SFI1: variants seen among roughly 807,000 people sequenced by gnomAD.
SFI1 encodes SFI1 centrin binding protein.
In SFI1, 195 loss-of-function variants were observed where a neutral mutation model predicts 207.5. The ratio of observed to expected loss-of-function variants is 0.94; its 90% CI spans 0.84 to 1.06. The LOEUF is 1.06. Among genes scored for constraint, SFI1 ranks in the 50% least tolerant of loss-of-function variants. The pLI is 0.00. For missense variants in SFI1, 1,634 were observed against 1,588.0 expected (o/e 1.03, Z -0.49); for synonymous variants, 630 against 598.9 (o/e 1.05, Z -0.76).
intron 2 of SFI1, among the ~76,000 whole-genome samples, chr22:31,520,012 C>T (rs576931697): frequency 2.0e-5 from 3 of 151,816 alleles, no homozygotes; most frequent in Middle Eastern, 3.4e-3. Context: ...GTGATCCACC[C>T]GCCTCAGCCT....
intron 2 of SFI1, among the ~76,000 whole-genome samples, chr22:31,525,369 C>A (rs1020169800): frequency 2.0e-5 from 3 of 152,088 alleles, no homozygotes; most frequent in Non-Finnish European, 4.4e-5. Flanking sequence ...TGTAGATACT[C>A]ACTTTTCCCA....
intron 29 of SFI1, chr22:31,616,342 G>A (rs2071439631): frequency 5.8e-6 from 1 of 171,528 alleles, no homozygotes; most frequent in Admixed American, 6.2e-5. Context: ...CACCAGGAGA[G>A]GAGGGCATGG....
intron 18 of SFI1, 106 bp from the exon 19 acceptor site, chr22:31,604,203 G>A (rs1379104804): frequency 5.9e-6 from 5 of 848,618 alleles, no homozygotes; most frequent in Non-Finnish European, 5.7e-6. Flanking sequence ...AGGCCAGAGA[G>A]GTTAATTTAC....
Position 31,589,578 on chromosome 22 carries a change from G to A in SFI1, c.1544+1G>A, listed in dbSNP as rs1454183533. The A allele has an allele frequency of 6.2e-7, 1 of 1,611,396 alleles. No individual in the cohort carries two copies. Among genetic ancestry groups the A allele is most frequent in the South Asian group, 1.1e-5 (1 of 90,552 alleles). On this transcript the variant is annotated splice_donor_variant, in intron 15 of 32. Coordinates refer to ENST00000400288, the MANE Select transcript of SFI1 (RefSeq NM_001007467.3). LOFTEE classifies it high-confidence loss of function. ...GTGCAAGAGCAACACGTTTCCACAG[G>A]TATGTTGCGCAGCTCCTGTCTGCAC...
chr22:31,583,880 G>A lies in SFI1; in HGVS notation c.1254G>A (p.Leu418=), dbSNP rs1250252019. Residue 418 remains leucine (L), a synonymous_variant, in exon 13 of 33, where the codon CTG becomes CTA. Transcript: ENST00000400288. The part of the protein sequence containing the change: ...LAHQQHGVTL[L]HRFWNLWRSQ... ...TTCTTCCTCCCTTGCTTTAGCTGCT[G>A]CACAGGTTCTGGAACCTCTGGCGGT... is the stretch of plus-strand genomic sequence containing the variant. 2.5e-6 allele frequency: 4 copies of A among 1,613,826 alleles called. No homozygotes were observed. Among genetic ancestry groups the A allele is most frequent in the Non-Finnish European group, 3.4e-6 (4 of 1,179,882 alleles).
intron 2 of SFI1, among the ~76,000 whole-genome samples, chr22:31,513,545 C>T (rs1431786273): frequency 1.9e-5 from 2 of 104,134 alleles, no homozygotes; most frequent in African/African-American, 8.3e-5. Flanking sequence ...CTGGCAATCC[C>T]AGCACTTTGG....
intron 4 of SFI1, among the ~76,000 whole-genome samples, chr22:31,531,360 A>T (rs984478570): frequency 1.3e-5 from 2 of 152,174 alleles, no homozygotes; most frequent in African/African-American, 4.8e-5. Flanking sequence ...CAAAGTAGCC[A>T]GTAAAGGTTA....
intron 1 of SFI1, among the ~76,000 whole-genome samples, 170 bp from the exon 2 acceptor site, chr22:31,508,084 TA>T (rs896638495): frequency 6.0e-4 from 89 of 148,062 alleles, no homozygotes; most frequent in African/African-American, 1.8e-3. Flanking sequence ...TCAAAAAAAT[TA>T]AAAAAAAAAG....
intron 4 of SFI1, among the ~76,000 whole-genome samples, chr22:31,535,774 C>G (rs1453456468): frequency 6.6e-6 from 1 of 152,020 alleles, no homozygotes; most frequent in African/African-American, 2.4e-5. Context: ...GAGACGAGGT[C>G]TCGCTGTATT....
chr22:31,607,060 C>CA (rs201700916), intron 21 of SFI1, among the ~76,000 whole-genome samples: 1,674 of 150,874 alleles, frequency 0.011, 8 homozygotes, highest in Middle Eastern at 0.031. Flanking sequence ...AAGGTTGTCT[C>CA]AAAAAAAAGA....
chr22:31,514,533 C>A (rs12485142), intron 2 of SFI1, among the ~76,000 whole-genome samples: 3,521 of 131,652 alleles, frequency 0.027, 126 homozygotes, highest in East Asian at 0.087. Flanking sequence ...AAAAAAAAAT[C>A]AACTGTATTT....
chr22:31,505,419 A>G (rs1395273903), intron 1 of SFI1, among the ~76,000 whole-genome samples: 1 of 151,678 alleles, frequency 6.6e-6, no homozygotes, highest in African/African-American at 2.4e-5. Context: ...AGCCTGGGCA[A>G]CAGAGCGAGA....
intron 15 of SFI1, among the ~76,000 whole-genome samples, chr22:31,598,395 C>T (rs2067486769): frequency 6.6e-6 from 1 of 152,064 alleles, no homozygotes. Flanking sequence ...CCCTACCCTG[C>T]ATAGGTAACC....
At chr22:31,549,913 TTTG>T (rs1210501609) in intron 5 of SFI1, among the ~76,000 whole-genome samples, 4 of 151,592 alleles carry the variant, frequency 2.6e-5, no homozygotes, top group East Asian at 3.9e-4. Flanking sequence ...TAGGAGTTGT[TTTG>T]TTGTTGTTGT....
At chr22:31,496,874 C>T (rs960708195) in intron 1 of SFI1, among the ~76,000 whole-genome samples, 2 of 152,238 alleles carry the variant, frequency 1.3e-5, no homozygotes, top group Non-Finnish European at 2.9e-5. Flanking sequence ...TCTCCCGCCG[C>T]GTCTTCTCGG....
In SFI1 at chr22:31,528,717, A is replaced by G; in HGVS notation, c.120A>G (p.Lys40=). The G allele has an allele frequency of 6.2e-7, 1 of 1,614,050 alleles. No homozygotes were observed. Among genetic ancestry groups the G allele is most frequent in the Non-Finnish European group, 8.5e-7 (1 of 1,179,996 alleles). The change falls in exon 3 of 33, where the codon AAA becomes AAG. Residue 40 remains lysine, a synonymous_variant. Transcript: ENST00000400288. ...ATTTTAAGGATGGTGCAGTTAAGAA[A>G]CCTTATTCTGCAAAGACACTGTCCA... is the stretch of plus-strand genomic sequence containing the variant. ...SRYFKDGAVK[K]PYSAKTLSNK...
intron 1 of SFI1, among the ~76,000 whole-genome samples, chr22:31,506,198 C>T (rs963333855): frequency 6.6e-6 from 1 of 151,952 alleles, no homozygotes; most frequent in Non-Finnish European, 1.5e-5. Flanking sequence ...CAGGTGCCCA[C>T]CACCATGCCT....
At position 31,585,260 on chromosome 22, in the gene SFI1, T is replaced by G. The variant is rs181497097; in HGVS notation, c.1413+126T>G. 1.4e-3 allele frequency: 1,020 copies of G among 714,980 alleles called. 1 individual carries two copies. Among genetic ancestry groups the G allele is most frequent in the Non-Finnish European group, 1.8e-3 (810 of 443,706 alleles). 44.3% of individuals were successfully genotyped at this position (714,980 alleles called of 1,614,324 possible). On this transcript the variant is annotated intron_variant, in intron 14 of 32. Coordinates refer to ENST00000400288, the MANE Select transcript of SFI1 (RefSeq NM_001007467.3). ...CGTTCTGCTTTGGAAGAGAGGGTGT[T>G]GAAAAAGCTCAAAGTCATTTCTTCC...
intron 15 of SFI1, among the ~76,000 whole-genome samples, chr22:31,596,739 G>A (rs1343007073): frequency 4.9e-5 from 7 of 141,478 alleles, no homozygotes; most frequent in African/African-American, 1.6e-4. Context: ...AGCCGAGATC[G>A]CACCACTGCA....
Sources: gnomAD v4.1 joint callset for allele counts (sites outside exome capture counted in the v4.1 genomes callset) on GRCh38, gnomAD v4.1.1 for gene constraint, MANE v1.5 for transcripts, NCBI Gene and HGNC (gene_info 2026-07-23, HGNC 2026-07-21) for gene names.